ADGRF4: variants seen among roughly 807,000 people sequenced by gnomAD.
The protein encoded by ADGRF4 is adhesion G protein-coupled receptor F4.
A neutral mutation model predicts 58.5 loss-of-function variants in ADGRF4; 63 were observed. The ratio of observed to expected loss-of-function variants is 1.08; its 90% CI spans 0.88 to 1.33. The LOEUF is 1.33. Ranked by LOEUF, ADGRF4 falls within the 40% of genes most tolerant of loss-of-function variation. The pLI is 0.00. For missense variants in ADGRF4, 931 were observed against 843.9 expected (o/e 1.10, Z -1.28); for synonymous variants, 313 against 295.4 (o/e 1.06, Z -0.61).
chr6:47,702,076 T>A (rs1235961364), intron 1 of ADGRF4, among the ~76,000 whole-genome samples: 1 of 152,176 alleles, frequency 6.6e-6, no homozygotes, highest in Non-Finnish European at 1.5e-5. Context: ...TGGTCTTAGG[T>A]GGTCCACCCG....
In ADGRF4 at chr6:47,721,332, C is replaced by T. The variant is rs1341376405; in HGVS notation, c.*127C>T. On this transcript the variant is annotated 3_prime_UTR_variant, in exon 10 of 10. Coordinates refer to ENST00000283303, the MANE Select transcript of ADGRF4 (RefSeq NM_153838.5). ...TCCTTGGAAGACTTTCTCTTCTTGT[C>T]AGGAGTGACTCCCAAGCTCTTGGTC... The T allele has an allele frequency of 6.6e-6, 1 of 152,134 alleles. No individual in the cohort carries two copies. The highest frequency in any genetic ancestry group is 2.4e-5 in the African/African-American group (1 of 41,424). 9.4% of individuals were successfully genotyped at this position (152,134 alleles called of 1,614,324 possible).
chr6:47,717,340 A>G lies in ADGRF4; in HGVS notation c.2023A>G (p.Arg675Gly), dbSNP rs1275725287. 1 of 1,610,260 alleles carries G rather than the reference A, an allele frequency of 6.2e-7. No individual in the cohort carries two copies. The highest frequency in any genetic ancestry group is 1.1e-5 in the South Asian group (1 of 91,018). ...GATGTCTTCACTGAAGGGGAAATCG[A>G]GGGCAGCTGAGGTAAGCCTTCCCCT... ...MRMSSLKGKS[R>G]AAENASLGPT... The change falls in exon 8 of 10, where the codon AGG becomes GGG. Residue 675 changes from arginine to glycine, a missense_variant. Coordinates refer to ENST00000283303, the MANE Select transcript of ADGRF4 (RefSeq NM_153838.5).
chr6:47,703,132 T>C (rs1771625956), intron 1 of ADGRF4, among the ~76,000 whole-genome samples: 1 of 152,234 alleles, frequency 6.6e-6, no homozygotes, highest in South Asian at 2.1e-4. Flanking sequence ...GATACTATAT[T>C]TGTGTTTACT....
chr6:47,699,909 C>T (rs971708167), intron 1 of ADGRF4, among the ~76,000 whole-genome samples: 7 of 143,048 alleles, frequency 4.9e-5, no homozygotes, highest in African/African-American at 1.9e-4. Context: ...CACATACACA[C>T]ACACACACAC....
intron 1 of ADGRF4, among the ~76,000 whole-genome samples, chr6:47,704,247 T>C (rs577772139): frequency 1.3e-5 from 2 of 152,264 alleles, no homozygotes; most frequent in Admixed American, 6.5e-5. Context: ...TTTCACCACG[T>C]TGACCAGGCT....
At chr6:47,719,508 A>G (rs1772108114) in intron 9 of ADGRF4, among the ~76,000 whole-genome samples, 1 of 152,220 alleles carries the variant, frequency 6.6e-6, no homozygotes, top group African/African-American at 2.4e-5. Context: ...GGGATGAAAC[A>G]TCGCTATAAC....
At chr6:47,703,599 G>T (rs1771638796) in intron 1 of ADGRF4, among the ~76,000 whole-genome samples, 1 of 152,102 alleles carries the variant, frequency 6.6e-6, no homozygotes, top group African/African-American at 2.4e-5. Context: ...ATCCCAAATG[G>T]TATATAGTTA....
At chr6:47,707,209 T>C (rs371007927) in intron 1 of ADGRF4, 21 bp from the exon 2 acceptor site, 4 of 1,331,430 alleles carry the variant, frequency 3.0e-6, no homozygotes, top group Non-Finnish European at 4.3e-6. Context: ...CAGGTGGGTA[T>C]GCCTTCTTTC....
intron 3 of ADGRF4, among the ~76,000 whole-genome samples, chr6:47,709,511 G>T (rs1771808160): frequency 6.6e-6 from 1 of 152,170 alleles, no homozygotes; most frequent in Non-Finnish European, 1.5e-5. Context: ...AATATAGAAT[G>T]CCTGATTAAA....
At chr6:47,704,537 G>C (rs1771661572) in intron 1 of ADGRF4, among the ~76,000 whole-genome samples, 2 of 152,096 alleles carry the variant, frequency 1.3e-5, no homozygotes, top group Non-Finnish European at 2.9e-5. Context: ...GGCTAGCAAA[G>C]AGAAAGGATT....
rs199705254 is a variant in ADGRF4, at chr6:47,713,783, C to T, written c.553-15C>T. On this transcript the variant is annotated splice_polypyrimidine_tract_variant and intron_variant, in intron 5 of 9. Coordinates refer to ENST00000283303, the MANE Select transcript of ADGRF4 (RefSeq NM_153838.5). The stretch of plus-strand genomic sequence containing the variant: ...TGTAAATCCTTAGTATAATGTTCAC[C>T]TTTCTCCATTGCAGAGCTATAGTGA... 152 of 1,510,492 alleles carry T rather than the reference C, an allele frequency of 1.0e-4. 1 individual carries two copies. In the African/African-American group the frequency reaches 2.0e-3, roughly 19 times the overall value. The allele number at this position is 1,510,492 out of a possible 1,614,324, so 93.6% of individuals were successfully genotyped here. A position where few individuals can be genotyped will look rare whatever the true frequency, so the allele number is the denominator to read the frequency against.
In ADGRF4 at chr6:47,714,188, C is replaced by G. The variant is rs759076311; in HGVS notation, c.943C>G (p.Gln315Glu). The change falls in exon 6 of 10, where the codon CAG becomes GAG. Residue 315 changes from glutamine to glutamate, a missense_variant. Physicochemically the swap from Gln to Glu is conservative, Grantham distance 29. Transcript: ENST00000283303. ...AHLQNVSLPR[Q>E]VNGLVLSVVL... ...CTTGCAAAATGTGAGTCTTCCCAGA[C>G]AGGTAAATGGTCTGGTGCTATCAGT... The G allele has an allele frequency of 1.9e-6, 3 of 1,614,040 alleles. No homozygotes were observed. The South Asian group carries it at 3.3e-5, about 18-fold the overall frequency.
In ADGRF4 at chr6:47,714,461, T is replaced by C. The variant is rs1462505234; in HGVS notation, c.1216T>C (p.Cys406Arg). 1 of 1,614,208 alleles carries C rather than the reference T, an allele frequency of 6.2e-7. No individual in the cohort carries two copies. The highest frequency in any genetic ancestry group is 1.6e-4 in the Middle Eastern group (1 of 6,062). The part of the protein sequence containing the change: ...MTDKVLDYIT[C>R]IGLSVSILSL... ...CGACAAAGTTCTGGACTACATCACC[T>C]GCATTGGGCTCAGCGTCTCAATCCT... is the stretch of plus-strand genomic sequence containing the variant. The change falls in exon 6 of 10, where the codon TGC becomes CGC. Residue 406 changes from cysteine (C) to arginine (R), a missense_variant. Physicochemically the swap from Cys to Arg is radical, Grantham distance 180. Coordinates refer to ENST00000283303, the MANE Select transcript of ADGRF4 (RefSeq NM_153838.5).
At chr6:47,705,693 G>T (rs1771694144) in intron 1 of ADGRF4, among the ~76,000 whole-genome samples, 1 of 152,172 alleles carries the variant, frequency 6.6e-6, no homozygotes, top group Admixed American at 6.5e-5. Context: ...ACTCTACCCA[G>T]AAAGGGTCTG....
chr6:47,710,480 C>T (rs999836479), intron 3 of ADGRF4, among the ~76,000 whole-genome samples: 1 of 152,180 alleles, frequency 6.6e-6, no homozygotes, highest in East Asian at 1.9e-4. Flanking sequence ...TCTTGCCACT[C>T]CCCCTTCAGG....
intron 9 of ADGRF4, among the ~76,000 whole-genome samples, chr6:47,720,609 A>G (rs1046542140): frequency 6.6e-6 from 1 of 152,184 alleles, no homozygotes; most frequent in African/African-American, 2.4e-5. Context: ...TGGGAACCCC[A>G]TTCTGGGAGG....
rs751007027 is a variant in ADGRF4 at position 47,708,243 on chromosome 6, G to A, written c.113G>A (p.Ser38Asn). The change falls in exon 3 of 10, where the codon AGC (serine) becomes AAC (asparagine). Residue 38 changes from serine (S) to asparagine (N), a missense_variant. Physicochemically the swap from Ser to Asn is conservative, Grantham distance 46. Transcript: ENST00000283303. ...TTTCAGGCTGGAGATAAACTTCAAA[G>A]CCCTGAAGGGAAACCCAAGACTGGA... is the stretch of plus-strand genomic sequence containing the variant. ...IHLKAGDKLQSPEGKPKTGRI... is the reference protein window; with the variant it reads ...IHLKAGDKLQNPEGKPKTGRI... The A allele has an allele frequency of 5.0e-6, 8 of 1,612,544 alleles. No individual in the cohort carries two copies. The South Asian group carries it at 7.7e-5, about 16-fold the overall frequency.
chr6:47,709,036 TTGCAAATTTTACAAACAAGGTTTGA>T (rs1771795107), intron 3 of ADGRF4, among the ~76,000 whole-genome samples: 1 of 150,908 alleles, frequency 6.6e-6, no homozygotes, highest in Non-Finnish European at 1.5e-5. Flanking sequence ...GCAAAAACTG[TTGCAAATTTTACAAACAAGGTTTGA>T]TGCAAATTTT....
At chr6:47,706,964 C>T (rs776913856) in intron 1 of ADGRF4, among the ~76,000 whole-genome samples, 2 of 152,172 alleles carry the variant, frequency 1.3e-5, no homozygotes, top group South Asian at 2.1e-4. Context: ...AGGAATGATG[C>T]TTTGGTGAAA....
Sources: allele counts gnomAD v4.1 joint callset (sites outside exome capture counted in the v4.1 genomes callset), GRCh38; gene constraint gnomAD v4.1.1; transcripts MANE v1.5; gene names NCBI Gene and HGNC (gene_info 2026-07-23, HGNC 2026-07-21).